ANKRD13D: variants seen among roughly 807,000 people sequenced by gnomAD.
The protein encoded by ANKRD13D is ankyrin repeat domain-containing protein 13D.
A neutral mutation model predicts 68.8 loss-of-function variants in ANKRD13D; 24 were observed. The ratio of observed to expected loss-of-function variants is 0.35; its 90% confidence interval spans 0.25 to 0.49. The LOEUF is 0.49. ANKRD13D is among the 20% of genes least tolerant of loss of function. ANKRD13D has a pLI of 0.99. For synonymous variants in ANKRD13D, 331 were observed against 336.1 expected (o/e 0.98, Z 0.16); for missense variants, 735 against 832.1 (o/e 0.88, Z 1.44).
chr11:67,300,448 C>A lies in ANKRD13D; in HGVS notation c.1073+325C>A. ...ACGTGGCCTGGGAGTGGAGCGTCTG[C>A]CTTGGTGGAACAGAACAGTTACGCT... On this transcript the variant is annotated intron_variant, in intron 10 of 14. Transcript: ENST00000511455. The surrounding 1 kb of genome is among the most constrained non-coding windows in gnomAD (Gnocchi z 4.3). The A allele has an allele frequency of 5.3e-6, 2 of 379,386 alleles. No individual in the cohort carries two copies. Among genetic ancestry groups the A allele is most frequent in the Non-Finnish European group, 9.7e-6 (2 of 205,498 alleles). 23.5% of individuals were successfully genotyped at this position (379,386 alleles called of 1,614,324 possible).
At position 67,301,576 on chromosome 11, in the gene ANKRD13D, C is replaced by CT. The variant is rs754994734; in HGVS notation, c.1437_1438insT (p.Arg480SerfsTer6). Reference sequence around the variant, plus strand: ...TGGGCATGGAGCGCAACGAGCCCCTCCGGGACGAGGACGATGACCTCCTGC... The same window carrying CT: ...TGGGCATGGAGCGCAACGAGCCCCTCTCGGGACGAGGACGATGACCTCCTGC... On this transcript the variant is annotated frameshift_variant, in exon 13 of 15. Transcript: ENST00000511455. LOFTEE classifies it high-confidence loss of function. This position sits in a 1 kb window ranked among gnomAD's most constrained non-coding sequence, Gnocchi z 4.5. The CT allele has an allele frequency of 6.2e-7, 1 of 1,612,962 alleles. No homozygotes were observed. The highest frequency in any genetic ancestry group is 2.2e-5 in the East Asian group (1 of 44,886).
At chr11:67,293,803 C>T (rs1860667682) in intron 6 of ANKRD13D, among the ~76,000 whole-genome samples, 1 of 152,188 alleles carries the variant, frequency 6.6e-6, no homozygotes, top group Admixed American at 6.5e-5. Context: ...CAGGCATGAG[C>T]CACCACACCT....
At chr11:67,291,428 G>C (rs765249711) in intron 3 of ANKRD13D, 48 bp from the exon 4 acceptor site, 2 of 1,608,210 alleles carry the variant, frequency 1.2e-6, no homozygotes, top group Non-Finnish European at 1.7e-6. Context: ...AGGCCTGCTG[G>C]AGCCAGCAGC....
chr11:67,297,619 G>A (rs569095021), intron 6 of ANKRD13D, among the ~76,000 whole-genome samples: 25 of 151,408 alleles, frequency 1.7e-4, no homozygotes, highest in Admixed American at 4.6e-4. Context: ...TCCGCCTCCC[G>A]GGTTCACGCC....
chr11:67,296,650 GAC>G (rs1288820210), intron 6 of ANKRD13D, among the ~76,000 whole-genome samples: 3 of 149,534 alleles, frequency 2.0e-5, no homozygotes, highest in Non-Finnish European at 1.5e-5. Context: ...TTGTTTTTGA[GAC>G]AGAGTCTTAC....
chr11:67,293,892 T>G (rs1458094819), intron 6 of ANKRD13D, among the ~76,000 whole-genome samples: 1 of 152,340 alleles, frequency 6.6e-6, no homozygotes, highest in South Asian at 2.1e-4. Flanking sequence ...GCTGTTACAC[T>G]TAGGTCTTTG....
At chr11:67,295,199 C>T (rs1264185585) in intron 6 of ANKRD13D, among the ~76,000 whole-genome samples, 1 of 152,022 alleles carries the variant, frequency 6.6e-6, no homozygotes, top group Non-Finnish European at 1.5e-5. Flanking sequence ...GGGTGGATCA[C>T]GAGGTCAGGA....
intron 2 of ANKRD13D, 42 bp downstream of exon 2, chr11:67,290,255 G>GC: frequency 6.5e-7 from 1 of 1,544,056 alleles, no homozygotes; most frequent in Non-Finnish European, 8.7e-7. Context: ...GCTGGCAGGC[G>GC]GGGGGCAGTG....
At position 67,299,370 on chromosome 11, in the gene ANKRD13D, G is replaced by A. The variant is rs1039054153; in HGVS notation, c.799-160G>A. The stretch of plus-strand genomic sequence containing the variant: ...CTTGACCCTGGGGCTGCATCTCCTC[G>A]TTGGTGACTTCCTGGGGTTCAGACC... On this transcript the variant is annotated intron_variant, in intron 7 of 14. Transcript: ENST00000511455. This position sits in a 1 kb window ranked among gnomAD's most constrained non-coding sequence, Gnocchi z 6.2. The A allele has an allele frequency of 1.9e-5, 14 of 722,566 alleles. No individual in the cohort carries two copies. The highest frequency in any genetic ancestry group is 2.8e-5 in the Admixed American group (1 of 36,352). 44.8% of individuals were successfully genotyped at this position (722,566 alleles called of 1,614,324 possible). A position where few individuals can be genotyped will look rare whatever the true frequency, so the allele number is the denominator to read the frequency against.
At chr11:67,291,210 A>G in intron 3 of ANKRD13D, 1 of 450,440 alleles carries the variant, frequency 2.2e-6, no homozygotes, top group Non-Finnish European at 4.0e-6. Context: ...TACAAAAATT[A>G]GCTGGGAGTG....
chr11:67,290,760 A>G, intron 3 of ANKRD13D: 1 of 309,552 alleles, frequency 3.2e-6, no homozygotes, highest in Non-Finnish European at 6.2e-6. Flanking sequence ...AATACTTGCT[A>G]CTACGCACCC....
At chr11:67,290,045 T>G (rs1199484582) in intron 1 of ANKRD13D, 33 bp from the exon 2 acceptor site, 10 of 1,531,256 alleles carry the variant, frequency 6.5e-6, no homozygotes, top group Non-Finnish European at 8.7e-6. Context: ...CCCTCTTCTC[T>G]CCTGCCCTTT....
At chr11:67,297,350 G>A (rs1381210920) in intron 6 of ANKRD13D, among the ~76,000 whole-genome samples, 6 of 151,624 alleles carry the variant, frequency 4.0e-5, no homozygotes, top group African/African-American at 1.5e-4. Flanking sequence ...GGGAACACAG[G>A]CGCCAGCTAA....
Position 67,291,533 on chromosome 11 carries a change from C to T in ANKRD13D, c.397+12C>T, listed in dbSNP as rs1333638923. On this transcript the variant is annotated intron_variant, in intron 4 of 14. Transcript: ENST00000511455. ...GTTCACCAGCTGGGGTGAGTGGGGA[C>T]CTCTGGGCTCCCAGGGATTTGGGGT... is the stretch of plus-strand genomic sequence containing the variant. 4 of 1,613,504 alleles carry T rather than the reference C, an allele frequency of 2.5e-6. No homozygotes were observed. Among genetic ancestry groups the T allele is most frequent in the Non-Finnish European group, 1.7e-6 (2 of 1,179,898 alleles).
chr11:67,296,208 G>A (rs1261436656), intron 6 of ANKRD13D, among the ~76,000 whole-genome samples: 4 of 152,094 alleles, frequency 2.6e-5, no homozygotes, highest in East Asian at 3.8e-4. Flanking sequence ...TTTGGTATCT[G>A]GGTGATGCCT....
At position 67,300,852 on chromosome 11, in the gene ANKRD13D, C is replaced by A; in HGVS notation, c.1074-138C>A. On this transcript the variant is annotated intron_variant, in intron 10 of 14. Coordinates refer to ENST00000511455, the MANE Select transcript of ANKRD13D (RefSeq NM_207354.3). The surrounding 1 kb of genome is among the most constrained non-coding windows in gnomAD (Gnocchi z 4.3). Reference sequence around the variant, plus strand: ...GACACCAGCTCCCGGGGGAGGCGGGCAGCGGCATCTGAGCAGAGCAGGGCA... The same window carrying A: ...GACACCAGCTCCCGGGGGAGGCGGGAAGCGGCATCTGAGCAGAGCAGGGCA... 1 of 1,084,504 alleles carries A rather than the reference C, an allele frequency of 9.2e-7. No individual in the cohort carries two copies. Among genetic ancestry groups the A allele is most frequent in the Non-Finnish European group, 1.3e-6 (1 of 776,182 alleles). The allele number at this position is 1,084,504 out of a possible 1,614,324, so 67.2% of individuals were successfully genotyped here. A position where few individuals can be genotyped will look rare whatever the true frequency, so the allele number is the denominator to read the frequency against.
rs1860926831 is a variant in ANKRD13D, at chr11:67,300,224, T to C, written c.1073+101T>C. On this transcript the variant is annotated intron_variant, in intron 10 of 14. Transcript: ENST00000511455. The surrounding 1 kb of genome is among the most constrained non-coding windows in gnomAD (Gnocchi z 4.3). ...TTAGGGACCCACTCCCTCGGCTGGC[T>C]TCTCTCTGGACTCCACTCCTGGAGG... The C allele has an allele frequency of 6.6e-7, 1 of 1,524,342 alleles. No homozygotes were observed. Among genetic ancestry groups the C allele is most frequent in the African/African-American group, 1.4e-5 (1 of 72,952 alleles). 94.4% of individuals were successfully genotyped at this position (1,524,342 alleles called of 1,614,324 possible).
chr11:67,290,294 GCTCCCCTCA>G lies in ANKRD13D; in HGVS notation c.227-27_227-19del. The G allele has an allele frequency of 6.5e-7, 1 of 1,547,334 alleles. No homozygotes were observed. Among genetic ancestry groups the G allele is most frequent in the Non-Finnish European group, 8.7e-7 (1 of 1,145,078 alleles). On this transcript the variant is annotated intron_variant, in intron 2 of 14. Coordinates refer to ENST00000511455, the MANE Select transcript of ANKRD13D (RefSeq NM_207354.3). ...AGCCAGGCCTGGGGTCATCTGGAGG[GCTCCCCTCA>G]GCAGCCTGGTGCCCGCAGTCCTGCA...
Position 67,289,473 on chromosome 11 carries a change from G to T in ANKRD13D, c.13G>T (p.Gly5Cys), listed in dbSNP as rs1327728263. The T allele has an allele frequency of 8.6e-6, 13 of 1,506,724 alleles. No homozygotes were observed. Among genetic ancestry groups the T allele is most frequent in the Middle Eastern group, 2.3e-4 (1 of 4,306 alleles). 93.3% of individuals were successfully genotyped at this position (1,506,724 alleles called of 1,614,324 possible). The stretch of plus-strand genomic sequence containing the variant: ...GCTGAGGCCCAGCATGGCCGGCCCG[G>T]GCCCCACCTTCCCGCTGCACCGGCT... MAGP[G>C]PTFPLHRLVW... is the part of the protein sequence containing the mutation. Residue 5 changes from glycine (G) to cysteine (C), a missense_variant, in exon 1 of 15, where the codon GGC becomes TGC. Gly to Cys is a radical substitution (Grantham distance 159). Transcript: ENST00000511455.
Sources: allele counts gnomAD v4.1 joint callset (sites outside exome capture counted in the v4.1 genomes callset), GRCh38; gene constraint gnomAD v4.1.1; non-coding constraint Gnocchi (gnomAD v3.1); transcripts MANE v1.5; gene names NCBI Gene and HGNC (gene_info 2026-07-23, HGNC 2026-07-21).